ADGRL3: variants seen among roughly 807,000 people sequenced by gnomAD.
ADGRL3 encodes the protein calcium-independent alpha-latrotoxin receptor 3.
A neutral mutation model predicts 153.5 loss-of-function variants in ADGRL3; 62 were observed. The ratio of observed to expected loss-of-function variants is 0.40; its 90% CI spans 0.33 to 0.50. The LOEUF is 0.50. Among genes scored for constraint, ADGRL3 ranks in the 20% least tolerant of loss-of-function variants. ADGRL3 has a pLI of 0.47. For synonymous variants in ADGRL3, 710 were observed against 672.5 expected (o/e 1.06, Z -0.86); for missense variants, 1,641 against 1,859.4 (o/e 0.88, Z 2.16).
At chr4:61,615,769 CTA>C (rs151090964) in intron 5 of ADGRL3, among the ~76,000 whole-genome samples, 1,585 of 152,012 alleles carry the variant, frequency 0.01, 33 homozygotes, top group African/African-American at 0.035. Context: ...GATTTATTGA[CTA>C]TATGTGTATG....
rs1419566804 is a variant in ADGRL3, at chr4:61,979,689, A to G, written c.2932A>G (p.Asn978Asp). Residue 978 changes from asparagine to aspartate, a missense_variant, in exon 18 of 27, where the codon AAC becomes GAC. Coordinates refer to ENST00000683033, the MANE Select transcript of ADGRL3 (RefSeq NM_001387552.1). ...TTTCCGGGGGCTCCAGAGTGACCGT[A>G]ACACCATCCACAAGAACCTCTGCAT... ...CFFRGLQSDR[N>D]TIHKNLCISL... 1 of 1,613,936 alleles carries G rather than the reference A, an allele frequency of 6.2e-7. No individual in the cohort carries two copies. Among genetic ancestry groups the G allele is most frequent in the East Asian group, 2.2e-5 (1 of 44,856 alleles).
intron 1 of ADGRL3, among the ~76,000 whole-genome samples, chr4:61,358,459 T>C (rs12512448): frequency 0.47 from 71,231 of 151,172 alleles, 18,769 homozygotes; most frequent in East Asian, 0.69. Context: ...TAGCCGGGCG[T>C]GGTGGCGGGC....
intron 1 of ADGRL3, among the ~76,000 whole-genome samples, chr4:61,271,393 C>A (rs959905376): frequency 1.3e-5 from 2 of 151,888 alleles, no homozygotes; most frequent in African/African-American, 2.4e-5. Context: ...GTTAAGATTT[C>A]TTAGTACTTT....
chr4:61,476,661 A>G (rs1345501245), intron 2 of ADGRL3, among the ~76,000 whole-genome samples: 1 of 141,450 alleles, frequency 7.1e-6, no homozygotes, highest in Non-Finnish European at 1.5e-5. Flanking sequence ...GTGAGCCAAG[A>G]TCATGCCACT....
At chr4:61,565,035 A>C (rs2098810775) in intron 4 of ADGRL3, among the ~76,000 whole-genome samples, 1 of 152,204 alleles carries the variant, frequency 6.6e-6, no homozygotes, top group African/African-American at 2.4e-5. Context: ...AAAATGAAAA[A>C]GTTTGAAATA....
chr4:61,654,713 A>G (rs1434555496), intron 5 of ADGRL3, among the ~76,000 whole-genome samples: 1 of 152,080 alleles, frequency 6.6e-6, no homozygotes, highest in African/African-American at 2.4e-5. Flanking sequence ...CCCAGCCAAG[A>G]TGGTGAAACC....
chr4:62,027,749 GAC>G (rs1719594978), intron 21 of ADGRL3, among the ~76,000 whole-genome samples: 1 of 151,900 alleles, frequency 6.6e-6, no homozygotes, highest in Non-Finnish European at 1.5e-5. Flanking sequence ...TTTTGTGTTA[GAC>G]ACGGTTCTGA....
intron 2 of ADGRL3, among the ~76,000 whole-genome samples, chr4:61,438,732 G>T (rs2097487011): frequency 6.7e-6 from 1 of 148,654 alleles, no homozygotes; most frequent in African/African-American, 2.5e-5. Context: ...TTTTTAGACG[G>T]AGTCTCGCTC....
At chr4:61,616,526 C>T (rs1046198045) in intron 5 of ADGRL3, among the ~76,000 whole-genome samples, 4 of 152,108 alleles carry the variant, frequency 2.6e-5, no homozygotes, top group African/African-American at 9.7e-5. Flanking sequence ...CCTTCTCAAA[C>T]AGCTTGATTA....
At chr4:61,545,055 A>C (rs987998201) in intron 4 of ADGRL3, among the ~76,000 whole-genome samples, 1 of 152,232 alleles carries the variant, frequency 6.6e-6, no homozygotes, top group African/African-American at 2.4e-5. Context: ...TAAGTGAATC[A>C]TGCTGATATC....
At chr4:61,347,148 C>G (rs1275192537) in intron 1 of ADGRL3, among the ~76,000 whole-genome samples, 1 of 152,072 alleles carries the variant, frequency 6.6e-6, no homozygotes, top group African/African-American at 2.4e-5. Context: ...AGTATCTTCA[C>G]TGAATGTGAA....
intron 1 of ADGRL3, among the ~76,000 whole-genome samples, chr4:61,266,198 A>C (rs2092835151): frequency 6.6e-6 from 1 of 151,734 alleles, no homozygotes; most frequent in Admixed American, 6.6e-5. Flanking sequence ...ACCCTGAACG[A>C]TTATATCCTA....
chr4:61,667,436 A>T (rs540777196), intron 5 of ADGRL3, among the ~76,000 whole-genome samples: 31 of 152,246 alleles, frequency 2.0e-4, no homozygotes, highest in African/African-American at 6.0e-4. Flanking sequence ...GGGAATTCAT[A>T]AATTGTATTT....
chr4:61,840,947 T>G (rs2148990576), intron 9 of ADGRL3, among the ~76,000 whole-genome samples: 1 of 152,298 alleles, frequency 6.6e-6, no homozygotes, highest in African/African-American at 2.4e-5. Context: ...TCTTTTTCTC[T>G]ATTCCAAATC....
At chr4:61,900,776 T>C (rs550774878) in intron 11 of ADGRL3, among the ~76,000 whole-genome samples, 1 of 152,276 alleles carries the variant, frequency 6.6e-6, no homozygotes, top group Non-Finnish European at 1.5e-5. Flanking sequence ...GATACATATC[T>C]ATATACATAT....
intron 1 of ADGRL3, among the ~76,000 whole-genome samples, chr4:61,294,903 T>TCACACACACACACA (rs3035670): frequency 7.6e-6 from 1 of 130,936 alleles, no homozygotes; most frequent in African/African-American, 2.7e-5. Flanking sequence ...ACACACACAC[T>TCACACACACACACA]CACACACACA....
At chr4:61,432,614 CTTTCTTTCTTTCTTTCTTTCTTTCTT>C (rs2097375489) in intron 2 of ADGRL3, among the ~76,000 whole-genome samples, 2 of 70,714 alleles carry the variant, frequency 2.8e-5, no homozygotes, top group Admixed American at 1.6e-4. Flanking sequence ...TTCTTTCTTT[CTTTCTTTCTTTCTTTCTTTCTTTCTT>C]TCTTTCTTTC....
intron 2 of ADGRL3, among the ~76,000 whole-genome samples, chr4:61,384,119 A>G (rs1434973084): frequency 6.6e-6 from 1 of 151,966 alleles, no homozygotes; most frequent in Non-Finnish European, 1.5e-5. Context: ...TTAGGAGTAA[A>G]GAGTGACTTA....
At chr4:61,979,837 A>G (rs2099061428) in intron 18 of ADGRL3, 65 bp downstream of exon 18, 1 of 1,240,382 alleles carries the variant, frequency 8.1e-7, no homozygotes, top group Non-Finnish European at 1.2e-6. Context: ...TAGCGCCAAT[A>G]CTAAAAATAC....
Sources: allele counts gnomAD v4.1 joint callset (sites outside exome capture counted in the v4.1 genomes callset), GRCh38; gene constraint gnomAD v4.1.1; transcripts MANE v1.5; gene names NCBI Gene and HGNC (gene_info 2026-07-23, HGNC 2026-07-21).